Variants in DPYD observed in about 807,000 individuals in gnomAD.
DPYD encodes dihydropyrimidine dehydrogenase [NADP(+)].
DPYD carries 109 observed loss-of-function variants against 116.2 expected under a neutral mutation model. That is an observed-to-expected ratio of 0.94 (90% confidence interval 0.80 to 1.10). The LOEUF (loss-of-function observed/expected upper bound fraction) is 1.10, where lower values mean the gene tolerates loss of function less well. Among genes scored for constraint, DPYD ranks in the 50% least tolerant of loss-of-function variants. DPYD has a pLI of 0.00. For synonymous variants in DPYD, 440 were observed against 432.0 expected, an observed-to-expected ratio of 1.02 and a Z score of -0.23; for missense variants, 1,302 against 1,254.5, an observed-to-expected ratio of 1.04 and a Z score of -0.57.
chr1:97,689,793 T>C (rs1660920758), intron 7 of DPYD, among the ~76,000 whole-genome samples: 1 of 152,090 alleles, frequency 6.6e-6, no homozygotes, highest in Non-Finnish European at 1.5e-5. Flanking sequence ...TCATAAAAGC[T>C]GCAAGAGTAT....
chr1:97,900,781 C>G (rs1187023451), intron 1 of DPYD, among the ~76,000 whole-genome samples: 1 of 151,726 alleles, frequency 6.6e-6, no homozygotes, highest in Non-Finnish European at 1.5e-5. Flanking sequence ...GCACACAACT[C>G]CCTCCCCAAA....
intron 8 of DPYD, among the ~76,000 whole-genome samples, chr1:97,607,687 A>G (rs1655687865): frequency 6.6e-6 from 1 of 151,868 alleles, no homozygotes; most frequent in South Asian, 2.1e-4. Flanking sequence ...ATCAGTCAGG[A>G]GGAGGGGTAG....
chr1:97,908,588 C>A (rs891591050), intron 1 of DPYD, among the ~76,000 whole-genome samples: 2 of 152,042 alleles, frequency 1.3e-5, no homozygotes, highest in African/African-American at 4.8e-5. Context: ...CACCATCTCA[C>A]CACCAATAAT....
intron 16 of DPYD, among the ~76,000 whole-genome samples, chr1:97,359,903 A>G (rs1264811515): frequency 6.6e-6 from 1 of 152,210 alleles, no homozygotes; most frequent in Admixed American, 6.5e-5. Flanking sequence ...GCATCAAGTA[A>G]CAGGCAAAAT....
At chr1:97,354,493 A>T (rs1281438680) in intron 16 of DPYD, among the ~76,000 whole-genome samples, 2 of 152,210 alleles carry the variant, frequency 1.3e-5, no homozygotes, top group East Asian at 3.9e-4. Context: ...ATCACAGAAA[A>T]TTGTTAATAA....
chr1:97,660,203 T>C (rs536254188), intron 8 of DPYD, among the ~76,000 whole-genome samples: 1 of 152,174 alleles, frequency 6.6e-6, no homozygotes, highest in Non-Finnish European at 1.5e-5. Flanking sequence ...GTATTATTTA[T>C]AGCTGGATAA....
intron 18 of DPYD, among the ~76,000 whole-genome samples, chr1:97,281,684 A>T (rs1446069447): frequency 6.6e-6 from 1 of 152,062 alleles, no homozygotes; most frequent in African/African-American, 2.4e-5. Context: ...AAAATAAGTA[A>T]ATATACTAAG....
At chr1:97,892,210 G>T (rs1672814431) in intron 1 of DPYD, among the ~76,000 whole-genome samples, 2 of 151,772 alleles carry the variant, frequency 1.3e-5, no homozygotes, top group African/African-American at 4.8e-5. Flanking sequence ...TCAGCTAACA[G>T]AAAAACAGAA....
chr1:97,882,694 TAAAC>T (rs1672288987), intron 2 of DPYD, among the ~76,000 whole-genome samples: 1 of 152,046 alleles, frequency 6.6e-6, no homozygotes, highest in Non-Finnish European at 1.5e-5. Flanking sequence ...TATATACAGT[TAAAC>T]AAAGTTCTAG....
chr1:97,257,479 C>T (rs567039213), intron 18 of DPYD, among the ~76,000 whole-genome samples: 15 of 125,030 alleles, frequency 1.2e-4, no homozygotes, highest in East Asian at 8.5e-4. Flanking sequence ...AGAGAGAGCA[C>T]GTGAGTTATG....
intron 3 of DPYD, among the ~76,000 whole-genome samples, chr1:97,740,950 CCT>C (rs953856778): frequency 1.6e-4 from 25 of 152,118 alleles, no homozygotes; most frequent in African/African-American, 5.5e-4. Flanking sequence ...TCCCTCTCTA[CCT>C]CTCTCTCTCT....
At chr1:97,130,718 CTT>C (rs1653218818) in intron 20 of DPYD, among the ~76,000 whole-genome samples, 2 of 122,638 alleles carry the variant, frequency 1.6e-5, no homozygotes, top group African/African-American at 5.8e-5. Flanking sequence ...CTCCCTCTCT[CTT>C]TCTTTCTTTC....
At chr1:97,323,952 C>T (rs1306564547) in intron 16 of DPYD, among the ~76,000 whole-genome samples, 5 of 151,844 alleles carry the variant, frequency 3.3e-5, no homozygotes, top group African/African-American at 9.7e-5. Context: ...AAAACCAGTA[C>T]ATGATCTAGG....
intron 12 of DPYD, among the ~76,000 whole-genome samples, chr1:97,528,129 A>G: frequency 6.6e-6 from 1 of 152,184 alleles, no homozygotes; most frequent in Non-Finnish European, 1.5e-5. Flanking sequence ...TCGCTCTTTG[A>G]AGAAATATCT....
chr1:97,468,588 A>C (rs187745975), intron 13 of DPYD, among the ~76,000 whole-genome samples: 108 of 152,354 alleles, frequency 7.1e-4, no homozygotes, highest in African/African-American at 2.5e-3. Context: ...GTTGTTTAGA[A>C]TCTAACCCAT....
intron 19 of DPYD, among the ~76,000 whole-genome samples, chr1:97,213,186 C>T (rs1213746444): frequency 6.6e-6 from 1 of 152,080 alleles, no homozygotes; most frequent in Non-Finnish European, 1.5e-5. Context: ...TTAATACTAC[C>T]AGATTGGGGT....
At chr1:97,275,761 C>T (rs561676765) in intron 18 of DPYD, among the ~76,000 whole-genome samples, 1 of 152,294 alleles carries the variant, frequency 6.6e-6, no homozygotes, top group South Asian at 2.1e-4. Context: ...AATCCTTCCT[C>T]TTTCCAGGAA....
intron 11 of DPYD, among the ~76,000 whole-genome samples, chr1:97,569,631 G>T (rs1652760958): frequency 6.6e-6 from 1 of 151,716 alleles, no homozygotes; most frequent in African/African-American, 2.4e-5. Flanking sequence ...GACGTGATAT[G>T]GAGTCGTACA....
chr1:97,759,549 C>A (rs1380049335), intron 3 of DPYD, among the ~76,000 whole-genome samples: 2 of 152,122 alleles, frequency 1.3e-5, no homozygotes, highest in African/African-American at 2.4e-5. Context: ...TGAAATATTT[C>A]TCTTAGAAGA....
Sources: allele counts gnomAD v4.1 joint callset (sites outside exome capture counted in the v4.1 genomes callset), GRCh38; gene constraint gnomAD v4.1.1; transcripts MANE v1.5; gene names NCBI Gene and HGNC (gene_info 2026-07-23, HGNC 2026-07-21).